The following IREB2 variants were observed in gnomAD, a reference collection of about 807,000 sequenced individuals.
IREB2 encodes the protein iron responsive element binding protein 2.
In IREB2, 39 loss-of-function variants were observed where a neutral mutation model predicts 118.8. The observed-to-expected ratio is 0.33, with a 90% CI of 0.25 to 0.43. IREB2 has a LOEUF of 0.43. Among genes scored for constraint, IREB2 ranks in the 20% least tolerant of loss-of-function variants. The pLI is 1.00. For synonymous variants in IREB2, 372 were observed against 392.2 expected (o/e 0.95, Z 0.61); for missense variants, 900 against 1,147.3 (o/e 0.78, Z 3.11).
chr15:78,491,829 A>C (rs183936143), intron 18 of IREB2, among the ~76,000 whole-genome samples: 1 of 152,292 alleles, frequency 6.6e-6, no homozygotes, highest in East Asian at 1.9e-4. Context: ...GACATGTGAT[A>C]ATATTGCACA....
rs1454677821 is a variant in IREB2, at chr15:78,488,910, T to G, written c.2076+139T>G. 4 of 546,204 alleles carry G rather than the reference T, an allele frequency of 7.3e-6. No homozygotes were observed. In the Admixed American group the frequency reaches 1.6e-4, roughly 22 times the overall value. The allele number at this position is 546,204 out of a possible 1,614,324, so 33.8% of individuals were successfully genotyped here. On this transcript the variant is annotated intron_variant, in intron 16 of 21. Coordinates refer to ENST00000258886, the MANE Select transcript of IREB2 (RefSeq NM_004136.4). ...TAATGTGTAATAGTAAGTTTGTATCTGGAATCTGTAGTTAAAAAGAAAATG... is the reference window on the plus strand; with the variant it reads ...TAATGTGTAATAGTAAGTTTGTATCGGGAATCTGTAGTTAAAAAGAAAATG...
At chr15:78,447,538 C>G (rs7168018) in intron 2 of IREB2, among the ~76,000 whole-genome samples, 1,975 of 152,204 alleles carry the variant, frequency 0.013, 35 homozygotes, top group African/African-American at 0.045. Context: ...ACCATGTTGG[C>G]TAGGCTGGTC....
chr15:78,453,927 A>T (rs1205488094), intron 2 of IREB2, among the ~76,000 whole-genome samples: 1 of 152,190 alleles, frequency 6.6e-6, no homozygotes, highest in East Asian at 1.9e-4. Flanking sequence ...CTCTGCGTTG[A>T]TGTTTTAGGA....
chr15:78,449,651 AACAGAGTTTGTG>A (rs1365759354), intron 2 of IREB2, among the ~76,000 whole-genome samples: 10 of 152,240 alleles, frequency 6.6e-5, no homozygotes, highest in African/African-American at 2.4e-4. Context: ...GCAGACATGA[AACAGAGTTTGTG>A]ACCTCTGTAC....
At chr15:78,481,691 G>C (rs1277550267) in intron 10 of IREB2, 2 of 151,448 alleles carry the variant, frequency 1.3e-5, no homozygotes, top group Non-Finnish European at 2.9e-5. Context: ...AGTAGAGATG[G>C]GGTTTCACCG....
intron 2 of IREB2, among the ~76,000 whole-genome samples, chr15:78,445,245 C>G (rs2050910437): frequency 6.6e-6 from 1 of 151,098 alleles, no homozygotes; most frequent in South Asian, 2.1e-4. Flanking sequence ...TCAAGTGATT[C>G]TTCTGCCTCA....
At chr15:78,457,510 G>T (rs1019199228) in intron 2 of IREB2, among the ~76,000 whole-genome samples, 1 of 151,964 alleles carries the variant, frequency 6.6e-6, no homozygotes, top group African/African-American at 2.4e-5. Context: ...TTCTTGGTTG[G>T]AAATTATTTT....
rs541886386 is a variant in IREB2, at chr15:78,438,263, C to T, written c.-75C>T. On this transcript the variant is annotated 5_prime_UTR_variant, in exon 1 of 22. Coordinates refer to ENST00000258886, the MANE Select transcript of IREB2 (RefSeq NM_004136.4). ...CCTTGCCAGTCCGCCTGTCTTCCTC[C>T]CCGTCTTCCCTGCCCGGCCTCCCCC... 195 of 1,176,412 alleles carry T rather than the reference C, an allele frequency of 1.7e-4. 1 individual carries two copies. Among genetic ancestry groups the T allele is most frequent in the Middle Eastern group, 7.6e-4 (4 of 5,284 alleles). The allele number at this position is 1,176,412 out of a possible 1,614,324, so 72.9% of individuals were successfully genotyped here.
At chr15:78,455,931 G>A (rs780619632) in intron 2 of IREB2, among the ~76,000 whole-genome samples, 3 of 152,326 alleles carry the variant, frequency 2.0e-5, no homozygotes, top group African/African-American at 4.8e-5. Context: ...ACAGGCTGGC[G>A]CTCCCTGATG....
At position 78,485,740 on chromosome 15, in the gene IREB2, C is replaced by T. The variant is rs755226126; in HGVS notation, c.1609C>T (p.Arg537Cys). 26 of 1,613,480 alleles carry T rather than the reference C, an allele frequency of 1.6e-5. No individual in the cohort carries two copies. The highest frequency in any genetic ancestry group is 1.3e-4 in the African/African-American group (10 of 74,892). The change falls in exon 13 of 22, where the codon CGT (arginine) becomes TGT (cysteine). Residue 537 changes from arginine to cysteine, a missense_variant. Arg to Cys is a radical substitution (Grantham distance 180, BLOSUM62 -3). Coordinates refer to ENST00000258886, the MANE Select transcript of IREB2 (RefSeq NM_004136.4). Reference protein sequence around the residue: ...LAKKAVEAGLRVKPYIRTSLS... With the variant: ...LAKKAVEAGLCVKPYIRTSLS... ...TAAAAAGGCTGTTGAAGCTGGTCTG[C>T]GTGTTAAACCTTATATAAGAACAAG...
chr15:78,438,644 G>T (rs1595979414), intron 1 of IREB2: 1 of 491,202 alleles, frequency 2.0e-6, no homozygotes, highest in Non-Finnish European at 3.7e-6. Flanking sequence ...TGCTGCCAGC[G>T]GCTTCCTGGC....
At chr15:78,464,919 G>A (rs2051255841) in intron 3 of IREB2, among the ~76,000 whole-genome samples, 1 of 152,150 alleles carries the variant, frequency 6.6e-6, no homozygotes, top group African/African-American at 2.4e-5. Context: ...GAAGGCACTA[G>A]GGGGAAGGGG....
chr15:78,483,192 T>C, intron 10 of IREB2, 126 bp from the exon 11 acceptor site: 1 of 557,308 alleles, frequency 1.8e-6, no homozygotes, highest in South Asian at 2.6e-5. Flanking sequence ...TATTATACTA[T>C]TAAAATAAAT....
chr15:78,482,487 C>T (rs1348280301), intron 10 of IREB2, among the ~76,000 whole-genome samples: 1 of 152,118 alleles, frequency 6.6e-6, no homozygotes, highest in Non-Finnish European at 1.5e-5. Context: ...CCAGTGAAAC[C>T]CTCTGGAACA....
intron 3 of IREB2, among the ~76,000 whole-genome samples, chr15:78,463,460 A>G (rs1013975887): frequency 6.6e-6 from 1 of 152,060 alleles, no homozygotes; most frequent in Non-Finnish European, 1.5e-5. Context: ...AAAATAAAAT[A>G]AAAAATCAGA....
chr15:78,480,153 A>G (rs753467126), intron 10 of IREB2: 1 of 152,108 alleles, frequency 6.6e-6, no homozygotes, highest in Non-Finnish European at 1.5e-5. Context: ...GATATTCAGT[A>G]AACGTGTTAG....
At chr15:78,446,678 C>A (rs927511895) in intron 2 of IREB2, among the ~76,000 whole-genome samples, 1 of 152,106 alleles carries the variant, frequency 6.6e-6, no homozygotes, top group Non-Finnish European at 1.5e-5. Context: ...CTCTCTGTGT[C>A]CTGATTACAC....
At position 78,488,670 on chromosome 15, in the gene IREB2, A is replaced by G. The variant is rs2051700071; in HGVS notation, c.1975A>G (p.Ile659Val). ...AGGTACTGACCCCACCGGCAAGAACATTTACCTGCATGATATTTGGCCTAG... is the reference window on the plus strand; with the variant it reads ...AGGTACTGACCCCACCGGCAAGAACGTTTACCTGCATGATATTTGGCCTAG... The part of the protein sequence containing the change: ...PLGTDPTGKN[I>V]YLHDIWPSRE... The change falls in exon 16 of 22, where the codon ATT becomes GTT. Residue 659 changes from isoleucine (I) to valine (V), a missense_variant. Physicochemically the swap from Ile to Val is conservative, Grantham distance 29. Transcript: ENST00000258886. The G allele has an allele frequency of 5.0e-6, 8 of 1,612,454 alleles. No homozygotes were observed. The highest frequency in any genetic ancestry group is 6.8e-6 in the Non-Finnish European group (8 of 1,179,462).
Position 78,484,906 on chromosome 15 carries a change from T to A in IREB2, c.1559T>A (p.Val520Asp). 1 of 1,613,430 alleles carries A rather than the reference T, an allele frequency of 6.2e-7. No individual in the cohort carries two copies. Among genetic ancestry groups the A allele is most frequent in the Non-Finnish European group, 8.5e-7 (1 of 1,179,686 alleles). The change falls in exon 12 of 22, where the codon GTC becomes GAC. Residue 520 changes from valine to aspartate, a missense_variant. Physicochemically the swap from Val to Asp is radical, Grantham distance 152. Transcript: ENST00000258886. Reference protein sequence around the residue: ...ISCTNNCNPSVMLAAGLLAKK... With the variant: ...ISCTNNCNPSDMLAAGLLAKK... ...TGTACCAATAATTGCAATCCATCTG[T>A]CATGCTTGCTGCAGGTGGGTTGTGG...
Sources: gnomAD v4.1 joint callset for allele counts (sites outside exome capture counted in the v4.1 genomes callset) on GRCh38, gnomAD v4.1.1 for gene constraint, MANE v1.5 for transcripts, NCBI Gene and HGNC (gene_info 2026-07-23, HGNC 2026-07-21) for gene names.